Variants in PAN3 observed in about 807,000 individuals in gnomAD.
The protein encoded by PAN3 is poly(A) specific ribonuclease subunit PAN3, also known as PAN2-PAN3 deadenylation complex subunit PAN3.
A neutral mutation model predicts 96.2 loss-of-function variants in PAN3; 19 were observed. That is an observed-to-expected ratio of 0.20 (90% confidence interval 0.14 to 0.29). The LOEUF (loss-of-function observed/expected upper bound fraction) is 0.29, where lower values mean the gene tolerates loss of function less well. Ranked by LOEUF, PAN3 falls within the 10% of genes least tolerant of loss-of-function variation. The pLI, the probability that PAN3 is intolerant of heterozygous loss-of-function variation, is 1.00. For synonymous variants in PAN3, 433 were observed against 406.6 expected, an observed-to-expected ratio of 1.06 and a Z score of -0.78; for missense variants, 882 against 1,108.1, an observed-to-expected ratio of 0.80 and a Z score of 2.90.
rs2138615283 is a variant in PAN3, at chr13:28,260,436, T to C, written c.1249-11T>C. The C allele has an allele frequency of 1.3e-6, 2 of 1,587,572 alleles. No individual in the cohort carries two copies. Among genetic ancestry groups the C allele is most frequent in the South Asian group, 2.2e-5 (2 of 90,530 alleles). On this transcript the variant is annotated splice_polypyrimidine_tract_variant and intron_variant, in intron 7 of 18. Coordinates refer to ENST00000380958, the MANE Select transcript of PAN3 (RefSeq NM_175854.8). ...TGAGTGATTACATTTACCCCCTTCC[T>C]ACCTTTTTAGGTGTTTCCAAACTAT... is the stretch of plus-strand genomic sequence containing the variant.
intron 1 of PAN3, among the ~76,000 whole-genome samples, chr13:28,160,265 A>G (rs1872734901): frequency 6.6e-6 from 1 of 152,182 alleles, no homozygotes; most frequent in Non-Finnish European, 1.5e-5. Flanking sequence ...TGAAAAGATA[A>G]CTATAGTAGG....
intron 1 of PAN3, among the ~76,000 whole-genome samples, chr13:28,172,928 G>A (rs887387856): frequency 6.6e-6 from 1 of 152,166 alleles, no homozygotes; most frequent in Non-Finnish European, 1.5e-5. Flanking sequence ...GGCCAGACTT[G>A]AGGGTTGCAA....
At chr13:28,154,897 T>G (rs1309371329) in intron 1 of PAN3, among the ~76,000 whole-genome samples, 2 of 150,550 alleles carry the variant, frequency 1.3e-5, no homozygotes, top group East Asian at 4.0e-4. Context: ...CTCGGCTCAC[T>G]GCAAGCTCCA....
intron 4 of PAN3, among the ~76,000 whole-genome samples, chr13:28,179,094 G>A (rs747209683): frequency 3.9e-5 from 6 of 152,180 alleles, no homozygotes; most frequent in Non-Finnish European, 7.3e-5. Flanking sequence ...ATGCTTTTTA[G>A]CAACTAGAAT....
intron 5 of PAN3, chr13:28,214,908 C>T: frequency 1.8e-6 from 2 of 1,081,978 alleles, no homozygotes; most frequent in Non-Finnish European, 2.8e-6. Flanking sequence ...CAAGAATGGG[C>T]AGGCTGGCGA....
At chr13:28,198,791 G>A (rs1555277594) in intron 5 of PAN3, among the ~76,000 whole-genome samples, 2 of 152,092 alleles carry the variant, frequency 1.3e-5, no homozygotes, top group South Asian at 2.1e-4. Context: ...TATAACAAAG[G>A]TAACAAATTG....
At chr13:28,172,298 T>C (rs1874406992) in intron 1 of PAN3, among the ~76,000 whole-genome samples, 1 of 151,936 alleles carries the variant, frequency 6.6e-6, no homozygotes, top group Non-Finnish European at 1.5e-5. Context: ...CTACTAAATA[T>C]ACAAAAAATT....
At chr13:28,248,249 G>T (rs1884394014) in intron 6 of PAN3, among the ~76,000 whole-genome samples, 2 of 151,950 alleles carry the variant, frequency 1.3e-5, no homozygotes, top group South Asian at 2.1e-4. Context: ...AATGTTACTG[G>T]TTTTTTTAAG....
Position 28,232,618 on chromosome 13 carries a change from A to T in PAN3, c.1000+12240A>T, listed in dbSNP as rs187453554. The T allele has an allele frequency of 3.9e-3, 590 of 152,028 alleles. 2 individuals carry two copies. Among genetic ancestry groups the T allele is most frequent in the African/African-American group, 0.013 (546 of 41,550 alleles). The allele number at this position is 152,028 out of a possible 1,614,324, so 9.4% of individuals were successfully genotyped here. A position where few individuals can be genotyped will look rare whatever the true frequency, so the allele number is the denominator to read the frequency against. On this transcript the variant is annotated intron_variant, in intron 6 of 18. Transcript: ENST00000380958. ...GTGTTCTGCATTATAATATATTTTT[A>T]AAAAATTTATAAAGATTAAAAAATA...
rs1487566180 is a variant in PAN3, at chr13:28,266,875, T to C, written c.1572T>C (p.His524=). ...TGCCATATTGCCTTCGGAGGATACA[T>C]GGTAAGGAAGATAAGTTATCTTCTT... ...DDLPYCLRRI[H]GFRLVNTKCM... The change falls in exon 10 of 19, where the codon CAT becomes CAC. Residue 524 remains histidine, a splice_region_variant and synonymous_variant. Transcript: ENST00000380958. 36 of 1,585,262 alleles carry C rather than the reference T, an allele frequency of 2.3e-5. No homozygotes were observed. The highest frequency in any genetic ancestry group is 3.1e-5 in the Non-Finnish European group (36 of 1,167,752).
chr13:28,143,297 C>T (rs1870126857), intron 1 of PAN3, among the ~76,000 whole-genome samples: 1 of 152,018 alleles, frequency 6.6e-6, no homozygotes, highest in South Asian at 2.1e-4. Flanking sequence ...TTTTCTAAGG[C>T]TTAAGAGTGA....
At chr13:28,275,481 T>C (rs1886981578) in intron 14 of PAN3, among the ~76,000 whole-genome samples, 1 of 152,174 alleles carries the variant, frequency 6.6e-6, no homozygotes, top group Admixed American at 6.5e-5. Flanking sequence ...GACTGTGTGT[T>C]GGTACCTGCT....
At chr13:28,233,187 G>C (rs1023208780) in intron 6 of PAN3, among the ~76,000 whole-genome samples, 3 of 151,180 alleles carry the variant, frequency 2.0e-5, no homozygotes, top group Non-Finnish European at 2.9e-5. Context: ...AAAAAATTAT[G>C]TTAAAAACCT....
rs1566268394 is a variant in PAN3, at chr13:28,292,827, T to C, written c.*305T>C. 1 of 183,538 alleles carries C rather than the reference T, an allele frequency of 5.4e-6. No homozygotes were observed. The highest frequency in any genetic ancestry group is 1.1e-5 in the Non-Finnish European group (1 of 88,672). 11.4% of individuals were successfully genotyped at this position (183,538 alleles called of 1,614,324 possible). On this transcript the variant is annotated 3_prime_UTR_variant, in exon 19 of 19. Coordinates refer to ENST00000380958, the MANE Select transcript of PAN3 (RefSeq NM_175854.8). ...TGTATATGCACTAATTTTAATTTTT[T>C]AAAGACTTTTTCTGATCTTTGAACT...
chr13:28,192,127 C>T (rs577241669), intron 4 of PAN3, among the ~76,000 whole-genome samples: 37 of 149,592 alleles, frequency 2.5e-4, no homozygotes, highest in African/African-American at 7.7e-4. Flanking sequence ...CTCACTGCAG[C>T]GGCACCATCT....
chr13:28,204,178 C>T (rs1879085513), intron 5 of PAN3, among the ~76,000 whole-genome samples: 1 of 152,160 alleles, frequency 6.6e-6, no homozygotes, highest in Non-Finnish European at 1.5e-5. Context: ...TGGAAGATCA[C>T]CTGAGACACC....
chr13:28,156,337 A>G (rs902618992), intron 1 of PAN3, among the ~76,000 whole-genome samples: 5 of 152,140 alleles, frequency 3.3e-5, no homozygotes, highest in African/African-American at 1.2e-4. Flanking sequence ...CTGGAAATAT[A>G]CCTCCTAAGA....
chr13:28,278,579 AT>A (rs1887231683), intron 15 of PAN3, among the ~76,000 whole-genome samples: 1 of 152,240 alleles, frequency 6.6e-6, no homozygotes, highest in African/African-American at 2.4e-5. Context: ...TATTAAAAAA[AT>A]GAATAAACAA....
chr13:28,206,929 C>T (rs181195814), intron 5 of PAN3, among the ~76,000 whole-genome samples: 111 of 152,182 alleles, frequency 7.3e-4, no homozygotes, highest in African/African-American at 2.4e-3. Flanking sequence ...TAGTCCTCTG[C>T]ACTCATTCTA....
Sources: gnomAD v4.1 joint callset for allele counts (sites outside exome capture counted in the v4.1 genomes callset) on GRCh38, gnomAD v4.1.1 for gene constraint, MANE v1.5 for transcripts, NCBI Gene and HGNC (gene_info 2026-07-23, HGNC 2026-07-21) for gene names.